The following EHHADH variants were observed in gnomAD, a reference collection of about 807,000 sequenced individuals.
EHHADH encodes enoyl-CoA hydratase and 3-hydroxyacyl CoA dehydrogenase, also known as peroxisomal bifunctional enzyme.
EHHADH carries 48 observed loss-of-function variants against 64.4 expected under a neutral mutation model. That is an observed-to-expected ratio of 0.75 (90% CI 0.59 to 0.95). The LOEUF (loss-of-function observed/expected upper bound fraction) is 0.95. Among genes scored for constraint, EHHADH ranks in the 40% least tolerant of loss-of-function variants. The pLI, the probability that EHHADH is intolerant of heterozygous loss-of-function variation, is 0.00. For synonymous variants in EHHADH, 308 were observed against 326.7 expected (o/e 0.94, Z 0.62); for missense variants, 854 against 876.6 (o/e 0.97, Z 0.33).
At chr3:185,234,192 CAGT>C (rs1377460898) in intron 3 of EHHADH, among the ~76,000 whole-genome samples, 8 of 152,054 alleles carry the variant, frequency 5.3e-5, no homozygotes, top group Admixed American at 1.3e-4. Flanking sequence ...CTGTGATACA[CAGT>C]GGTATCACAG....
intron 1 of EHHADH, among the ~76,000 whole-genome samples, chr3:185,248,752 C>T (rs1275716924): frequency 1.3e-5 from 2 of 152,166 alleles, no homozygotes; most frequent in Admixed American, 1.3e-4. Flanking sequence ...AATTAATCCA[C>T]TTTTTAAAAA....
chr3:185,246,271 C>T (rs1408972305), intron 2 of EHHADH: 5 of 834,988 alleles, frequency 6.0e-6, no homozygotes, highest in African/African-American at 1.7e-5. Context: ...CTACTGTCCT[C>T]ATTGTCAGCT....
intron 3 of EHHADH, among the ~76,000 whole-genome samples, chr3:185,229,762 T>G (rs1163681616): frequency 2.0e-5 from 3 of 152,212 alleles, no homozygotes; most frequent in Non-Finnish European, 4.4e-5. Flanking sequence ...ATTTTTAGCT[T>G]CTTACACATT....
intron 4 of EHHADH, among the ~76,000 whole-genome samples, chr3:185,225,615 T>C (rs1433869182): frequency 1.3e-5 from 2 of 152,132 alleles, no homozygotes; most frequent in African/African-American, 4.8e-5. Context: ...CTTGAAACAC[T>C]CCAATGCCTT....
At chr3:185,239,566 G>T (rs1283557178) in intron 2 of EHHADH, among the ~76,000 whole-genome samples, 2 of 152,040 alleles carry the variant, frequency 1.3e-5, no homozygotes, top group African/African-American at 4.8e-5. Flanking sequence ...CTGAGTTTTT[G>T]ATTTGGTTCT....
chr3:185,224,501 C>CAAAAAAAA (rs757023353), intron 4 of EHHADH, among the ~76,000 whole-genome samples: 2 of 51,578 alleles, frequency 3.9e-5, no homozygotes, highest in African/African-American at 6.6e-5. Context: ...ACCCTGTCAC[C>CAAAAAAAA]AAAAAAAAAA....
rs774508058 is a variant in EHHADH, at chr3:185,229,459, G to A, written c.436C>T (p.Pro146Ser). Residue 146 changes from proline (P) to serine (S), a missense_variant, in exon 4 of 7, where the codon CCT (proline) becomes TCT (serine). Transcript: ENST00000231887. ...GAGGTAATTAAGTCAAGTGCAGCAGGAACTCCAGTGAGTCTGGGGAGAAGC... is the reference window on the plus strand; with the variant it reads ...GAGGTAATTAAGTCAAGTGCAGCAGAAACTCCAGTGAGTCTGGGGAGAAGC... ...TQLLPRLTGVPAALDLITSGR... is the reference protein window; with the variant it reads ...TQLLPRLTGVSAALDLITSGR... 7 of 1,563,574 alleles carry A rather than the reference G, an allele frequency of 4.5e-6. No homozygotes were observed. In the African/African-American group the frequency reaches 9.5e-5, roughly 21 times the overall value.
intron 6 of EHHADH, among the ~76,000 whole-genome samples, chr3:185,203,930 A>G (rs2108629092): frequency 6.6e-6 from 1 of 152,228 alleles, no homozygotes; most frequent in East Asian, 1.9e-4. Flanking sequence ...ACTTGAGGCC[A>G]GGAGTTCGAG....
chr3:185,199,141 T>G (rs768092940), intron 6 of EHHADH, among the ~76,000 whole-genome samples: 4 of 152,148 alleles, frequency 2.6e-5, no homozygotes, highest in Non-Finnish European at 4.4e-5. Context: ...TAAAGGAAGA[T>G]TAGACTGTAA....
intron 6 of EHHADH, among the ~76,000 whole-genome samples, chr3:185,195,438 CA>C (rs1184190686): frequency 1.3e-5 from 2 of 152,130 alleles, no homozygotes; most frequent in Non-Finnish European, 2.9e-5. Context: ...CTGCAAAAAA[CA>C]GTTTAGCAGT....
chr3:185,192,548 T>A lies in EHHADH; in HGVS notation c.1850A>T (p.Asp617Val). The A allele has an allele frequency of 2.5e-6, 4 of 1,614,214 alleles. No individual in the cohort carries two copies. The highest frequency in any genetic ancestry group is 2.5e-6 in the Non-Finnish European group (3 of 1,180,046). ...ATATAAGCAGCGTTCAAGGATCTCA[T>A]CCTGGCTAATGGTACGTGGTTCAAT... ...HHIEPRTISQ[D>V]EILERCLYSL... Residue 617 changes from aspartate to valine, a missense_variant, in exon 7 of 7, where the codon GAT becomes GTT. By Grantham distance (152) the Asp-to-Val change is radical (BLOSUM62 -3). Transcript: ENST00000231887.
rs201465186 is a variant in EHHADH at position 185,204,507 on chromosome 3, G to A, written c.819C>T (p.Phe273=). 2.8e-5 allele frequency: 46 copies of A among 1,614,128 alleles called. No homozygotes were observed. The African/African-American group carries it at 3.6e-4, about 13-fold the overall frequency. ...GQARALQYAF[F]AERKANKWST... is the part of the protein sequence containing the mutation. Reference sequence around the variant, plus strand: ...ACCACTTATTTGCTTTCCTTTCAGCGAAGAAAGCATATTGCAGGGCTCTAG... The same window carrying A: ...ACCACTTATTTGCTTTCCTTTCAGCAAAGAAAGCATATTGCAGGGCTCTAG... Residue 273 remains phenylalanine, a synonymous_variant, in exon 6 of 7, where the codon TTC becomes TTT. Coordinates refer to ENST00000231887, the MANE Select transcript of EHHADH (RefSeq NM_001966.4).
At chr3:185,213,766 G>A (rs554190641) in intron 5 of EHHADH, among the ~76,000 whole-genome samples, 2 of 151,802 alleles carry the variant, frequency 1.3e-5, no homozygotes, top group Admixed American at 1.3e-4. Context: ...TGTAATCCCA[G>A]CTACTCCAGA....
chr3:185,224,214 T>A (rs1015756207), intron 4 of EHHADH, among the ~76,000 whole-genome samples: 2 of 151,382 alleles, frequency 1.3e-5, no homozygotes, highest in Non-Finnish European at 2.9e-5. Flanking sequence ...AAAAAAAAAA[T>A]TTCGGCCGGG....
intron 2 of EHHADH, among the ~76,000 whole-genome samples, chr3:185,240,335 G>A (rs1719414938): frequency 6.6e-6 from 1 of 151,746 alleles, no homozygotes; most frequent in Non-Finnish European, 1.5e-5. Flanking sequence ...ATAGTTTCAG[G>A]AAGATTGGTA....
chr3:185,250,333 C>T lies in EHHADH; in HGVS notation c.75-1816G>A, dbSNP rs1245726032. 4.6e-5 allele frequency among the ~76,000 whole-genome samples: 7 copies of T among 152,104 alleles called. No individual in the cohort carries two copies. The East Asian group carries it at 1.3e-3, about 29-fold the overall frequency. On this transcript the variant is annotated intron_variant, in intron 1 of 6. Coordinates refer to ENST00000231887, the MANE Select transcript of EHHADH (RefSeq NM_001966.4). The stretch of plus-strand genomic sequence containing the variant: ...AAGGAAAAGAGAGCTGAGGGCAGAT[C>T]CTCTGGATATATCTTCATTTAAGAA...
chr3:185,218,602 TG>T (rs1156434216), intron 4 of EHHADH, among the ~76,000 whole-genome samples: 1 of 152,196 alleles, frequency 6.6e-6, no homozygotes, highest in East Asian at 1.9e-4. Flanking sequence ...AAGTACTTTA[TG>T]AACTACAGAT....
intron 2 of EHHADH, among the ~76,000 whole-genome samples, chr3:185,244,302 C>G (rs1719535651): frequency 6.6e-6 from 1 of 151,954 alleles, no homozygotes; most frequent in African/African-American, 2.4e-5. Context: ...ATTTGCCTGT[C>G]TATATGTTTA....
intron 4 of EHHADH, among the ~76,000 whole-genome samples, chr3:185,221,167 G>A (rs1718821696): frequency 6.6e-6 from 1 of 151,952 alleles, no homozygotes; most frequent in Non-Finnish European, 1.5e-5. Context: ...CTGCAAATAG[G>A]GCAACAAAAT....
Sources: gnomAD v4.1 joint callset for allele counts (sites outside exome capture counted in the v4.1 genomes callset) on GRCh38, gnomAD v4.1.1 for gene constraint, MANE v1.5 for transcripts, NCBI Gene and HGNC (gene_info 2026-07-23, HGNC 2026-07-21) for gene names.